PTK2B: variants seen among roughly 807,000 people sequenced by gnomAD.
PTK2B encodes protein tyrosine kinase 2 beta.
A neutral mutation model predicts 142.9 loss-of-function variants in PTK2B; 71 were observed. The ratio of observed to expected loss-of-function variants is 0.50; its 90% CI spans 0.41 to 0.61. The LOEUF (loss-of-function observed/expected upper bound fraction) is 0.61. Ranked by LOEUF, PTK2B falls within the 20% of genes least tolerant of loss-of-function variation. The pLI, the probability that PTK2B is intolerant of heterozygous loss-of-function variation, is 0.00. For missense variants in PTK2B, 1,105 were observed against 1,320.4 expected, an observed-to-expected ratio of 0.84 and a Z score of 2.53; for synonymous variants, 519 against 503.4, an observed-to-expected ratio of 1.03 and a Z score of -0.42.
At chr8:27,420,505 G>A in intron 3 of PTK2B, 152 bp from the exon 4 acceptor site, 1 of 746,340 alleles carries the variant, frequency 1.3e-6, no homozygotes, top group East Asian at 2.5e-5. Context: ...GAGGGAAAGA[G>A]AAAAACCAGC....
intron 1 of PTK2B, among the ~76,000 whole-genome samples, chr8:27,350,450 C>G (rs1804976981): frequency 6.6e-6 from 1 of 152,110 alleles, no homozygotes; most frequent in African/African-American, 2.4e-5. Context: ...TCAGAGCTCT[C>G]AAAGCTCTGG....
At chr8:27,370,518 C>T (rs889563983) in intron 1 of PTK2B, among the ~76,000 whole-genome samples, 2 of 152,250 alleles carry the variant, frequency 1.3e-5, no homozygotes, top group East Asian at 3.8e-4. Context: ...CATCCTTTCC[C>T]TCTCTTGTCC....
In PTK2B at chr8:27,363,301, G is replaced by A. The variant is rs891105155; in HGVS notation, c.-37-34247G>A. Among the ~76,000 whole-genome samples the A allele has an allele frequency of 3.0e-4, 46 of 152,340 alleles. No homozygotes were observed. Among genetic ancestry groups the A allele is most frequent in the African/African-American group, 1.1e-3 (44 of 41,586 alleles). ...TGAGGCAGGTCCAGGGAAGGCCTGG[G>A]AGAGCAGAGGAGCTGTTTTCCACTA... On this transcript the variant is annotated intron_variant, in intron 1 of 30. Coordinates refer to ENST00000346049, the MANE Select transcript of PTK2B (RefSeq NM_173176.3). This position sits in a 1 kb window ranked among gnomAD's most constrained non-coding sequence, Gnocchi z 4.3.
In PTK2B at chr8:27,446,538, G is replaced by C. The variant is rs1811483359; in HGVS notation, c.2340+619G>C. On this transcript the variant is annotated intron_variant, in intron 24 of 30. Transcript: ENST00000346049. ...TTCATGGCTGGCTTCTGATTGTCAG[G>C]TCTTGTGTGAAAAAGACACTTTTGC... is the stretch of plus-strand genomic sequence containing the variant. Among the ~76,000 whole-genome samples the C allele has an allele frequency of 2.0e-5, 3 of 152,118 alleles. No individual in the cohort carries two copies. In the South Asian group the frequency reaches 6.2e-4, roughly 32 times the overall value.
chr8:27,366,866 G>T (rs972558716), intron 1 of PTK2B, among the ~76,000 whole-genome samples: 6 of 151,990 alleles, frequency 3.9e-5, no homozygotes, highest in Non-Finnish European at 5.9e-5. Context: ...AGAGGAGAGG[G>T]TGTGGGGGAG....
At chr8:27,340,992 G>A (rs578169877) in intron 1 of PTK2B, among the ~76,000 whole-genome samples, 4 of 152,314 alleles carry the variant, frequency 2.6e-5, no homozygotes, top group South Asian at 4.1e-4. Flanking sequence ...TGGGAGAGAC[G>A]GATGAAGGGG....
intron 1 of PTK2B, among the ~76,000 whole-genome samples, 197 bp downstream of exon 1, chr8:27,325,878 A>G (rs1027106967): frequency 6.6e-6 from 1 of 152,160 alleles, no homozygotes; most frequent in African/African-American, 2.4e-5. Context: ...TCCGCGGGGA[A>G]GAGGGGTTCT....
intron 1 of PTK2B, among the ~76,000 whole-genome samples, chr8:27,370,841 C>T (rs1445496148): frequency 1.3e-5 from 2 of 152,194 alleles, no homozygotes; most frequent in Admixed American, 6.5e-5. Context: ...TGGGTTTCCT[C>T]TCTTGGTTTT....
intron 1 of PTK2B, among the ~76,000 whole-genome samples, chr8:27,345,806 G>A (rs1426953900): frequency 6.6e-6 from 1 of 152,184 alleles, no homozygotes; most frequent in Non-Finnish European, 1.5e-5. Context: ...AGGTGAAAAT[G>A]TGTATATGTG....
At chr8:27,338,410 G>A (rs548856247) in intron 1 of PTK2B, among the ~76,000 whole-genome samples, 112 of 152,032 alleles carry the variant, frequency 7.4e-4, no homozygotes, top group African/African-American at 2.6e-3. Flanking sequence ...TGGGAGGGGG[G>A]TGAGGGATAA....
chr8:27,340,519 G>A (rs1804334002), intron 1 of PTK2B, among the ~76,000 whole-genome samples: 1 of 152,262 alleles, frequency 6.6e-6, no homozygotes, highest in South Asian at 2.1e-4. Context: ...CTTGATCTGG[G>A]TGGCTTAGTG....
At chr8:27,341,512 G>T (rs1804399469) in intron 1 of PTK2B, among the ~76,000 whole-genome samples, 1 of 152,210 alleles carries the variant, frequency 6.6e-6, no homozygotes, top group African/African-American at 2.4e-5. Flanking sequence ...AGCTGAGTGA[G>T]TGGAGGACTC....
upstream of PTK2B, chr8:27,311,253 C>A (rs772211751): frequency 2.7e-6 from 4 of 1,485,358 alleles, no homozygotes; most frequent in East Asian, 7.2e-5. Flanking sequence ...GCAGCCGGCT[C>A]GGGCGCCCGG....
At chr8:27,441,159 T>C (rs114201178) in intron 21 of PTK2B, among the ~76,000 whole-genome samples, 1,862 of 152,214 alleles carry the variant, frequency 0.012, 42 homozygotes, top group African/African-American at 0.043. Flanking sequence ...CTGCTAACTC[T>C]CTTAGCTCAA....
chr8:27,351,702 A>T (rs1468876977), intron 1 of PTK2B, among the ~76,000 whole-genome samples: 2 of 152,260 alleles, frequency 1.3e-5, no homozygotes, highest in Non-Finnish European at 2.9e-5. Context: ...GGATAATTTC[A>T]TCAACATTAT....
intron 1 of PTK2B, among the ~76,000 whole-genome samples, chr8:27,351,411 C>T (rs546452637): frequency 2.1e-4 from 32 of 151,922 alleles, no homozygotes; most frequent in Middle Eastern, 3.4e-3. Context: ...AGAAATGTTC[C>T]ATTTGCCTTT....
chr8:27,354,082 G>A (rs933662105), intron 1 of PTK2B, among the ~76,000 whole-genome samples: 7 of 152,064 alleles, frequency 4.6e-5, no homozygotes, highest in African/African-American at 1.2e-4. Flanking sequence ...TCACATCTCT[G>A]GCTGTCATTA....
Position 27,369,219 on chromosome 8 carries a change from C to G in PTK2B, c.-37-28329C>G, listed in dbSNP as rs543748598. Among the ~76,000 whole-genome samples, 221 of 152,284 alleles carry G rather than the reference C, an allele frequency of 1.5e-3. 1 individual carries two copies. The highest frequency in any genetic ancestry group is 4.7e-3 in the African/African-American group (194 of 41,564). ...CCTAAGACCTCTTCCTCCACACCCCCTGCCCTACAGCTTACCTTCTACCCT... is the reference window on the plus strand; with the variant it reads ...CCTAAGACCTCTTCCTCCACACCCCGTGCCCTACAGCTTACCTTCTACCCT... On this transcript the variant is annotated intron_variant, in intron 1 of 30. Transcript: ENST00000346049.
intron 5 of PTK2B, among the ~76,000 whole-genome samples, chr8:27,427,591 G>C (rs1426220754): frequency 6.6e-6 from 1 of 152,348 alleles, no homozygotes; most frequent in East Asian, 1.9e-4. Context: ...CAGTTACCTA[G>C]GAGTATATTT....
Sources: allele counts gnomAD v4.1 joint callset (sites outside exome capture counted in the v4.1 genomes callset), GRCh38; gene constraint gnomAD v4.1.1; non-coding constraint Gnocchi (gnomAD v3.1); transcripts MANE v1.5; gene names NCBI Gene and HGNC (gene_info 2026-07-23, HGNC 2026-07-21).